The following CAST variants were observed in gnomAD, a reference collection of about 807,000 sequenced individuals.
CAST encodes the protein calpastatin.
CAST carries 76 observed loss-of-function variants against 119.6 expected under a neutral mutation model. The observed-to-expected ratio is 0.64, with a 90% CI of 0.53 to 0.77. The LOEUF (loss-of-function observed/expected upper bound fraction) is 0.77, where lower values mean the gene tolerates loss of function less well. Ranked by LOEUF, CAST falls within the 30% of genes least tolerant of loss-of-function variation. The pLI is 0.00. For missense variants in CAST, 953 were observed against 946.5 expected (o/e 1.01, Z -0.09); for synonymous variants, 319 against 331.6 (o/e 0.96, Z 0.41).
At chr5:96,358,557 CTTATT>C in the CAST span, among the ~76,000 whole-genome samples, 1 of 152,052 alleles carries the variant, frequency 6.6e-6, no homozygotes, top group African/African-American at 2.4e-5. Flanking sequence ...TTTCAAAGAA[CTTATT>C]TATTTCTGCC....
chr5:96,537,078 C>T (rs1745830064), intron 1 of CAST, among the ~76,000 whole-genome samples: 1 of 152,202 alleles, frequency 6.6e-6, no homozygotes, highest in Non-Finnish European at 1.5e-5. Context: ...ATGGAGGCTG[C>T]TTCTAAAGAA....
chr5:96,409,168 C>G, the CAST span, among the ~76,000 whole-genome samples: 179 of 152,304 alleles, frequency 1.2e-3, no homozygotes, highest in African/African-American at 4.2e-3. Flanking sequence ...GAAAAGACTT[C>G]CTGTCTGCCT....
At chr5:96,254,901 A>G in the CAST span, among the ~76,000 whole-genome samples, 2 of 152,160 alleles carry the variant, frequency 1.3e-5, no homozygotes, top group Non-Finnish European at 1.5e-5. Context: ...TGCTAAAAGT[A>G]TTACAGCCTA....
chr5:96,680,120 G>T (rs1025607554), intron 2 of CAST, among the ~76,000 whole-genome samples: 1 of 151,710 alleles, frequency 6.6e-6, no homozygotes, highest in Non-Finnish European at 1.5e-5. Context: ...GGAGGCTGAG[G>T]TGGGCGGATC....
chr5:96,549,872 C>A (rs926981997), intron 1 of CAST, among the ~76,000 whole-genome samples: 2 of 152,210 alleles, frequency 1.3e-5, no homozygotes, highest in African/African-American at 4.8e-5. Flanking sequence ...GTAGGCAGTT[C>A]TATCCTCACA....
At position 96,677,808 on chromosome 5, in the gene CAST, G is replaced by A. The variant is rs572101297; in HGVS notation, c.138+2207G>A. On this transcript the variant is annotated intron_variant, in intron 2 of 31. Coordinates refer to ENST00000675179, the MANE Select transcript of CAST (RefSeq NM_001750.7). ...AATTTGTTTGGGCAAAGAATGATTT[G>A]TGAATTGGGCAGCATTCAAAACTGG... Among the ~76,000 whole-genome samples, 6 of 152,314 alleles carry A rather than the reference G, an allele frequency of 3.9e-5. No homozygotes were observed. In the East Asian group the frequency reaches 7.7e-4, roughly 20 times the overall value.
chr5:96,609,519 G>C (rs1747321675), intron 1 of CAST, among the ~76,000 whole-genome samples: 1 of 152,156 alleles, frequency 6.6e-6, no homozygotes, highest in Admixed American at 6.6e-5. Context: ...AGTTCCAACA[G>C]GCTCCAACAA....
intron 1 of CAST, among the ~76,000 whole-genome samples, chr5:96,637,192 A>G (rs1580854873): frequency 1.3e-5 from 2 of 152,186 alleles, no homozygotes; most frequent in Non-Finnish European, 1.5e-5. Flanking sequence ...TATATTTACT[A>G]TGTGTCAGGT....
the CAST span, among the ~76,000 whole-genome samples, chr5:96,403,912 G>A: frequency 1.3e-5 from 2 of 152,148 alleles, no homozygotes; most frequent in East Asian, 1.9e-4. Context: ...AAGACCAGAA[G>A]TTTGGCTTAT....
the CAST span, among the ~76,000 whole-genome samples, chr5:96,388,821 G>A: frequency 6.6e-6 from 1 of 151,954 alleles, no homozygotes; most frequent in Non-Finnish European, 1.5e-5. Context: ...AGAAAGTAGA[G>A]ACCATCTATG....
the CAST span, among the ~76,000 whole-genome samples, chr5:96,492,888 G>C: frequency 6.6e-6 from 1 of 152,238 alleles, no homozygotes; most frequent in African/African-American, 2.4e-5. Flanking sequence ...AAGCGTTTCA[G>C]TGAAATCAAA....
At chr5:96,508,739 C>T in the CAST span, among the ~76,000 whole-genome samples, 2 of 152,142 alleles carry the variant, frequency 1.3e-5, no homozygotes, top group Non-Finnish European at 2.9e-5. Context: ...CCCCTTCCAT[C>T]CCTCCTGAGA....
the CAST span, chr5:96,423,390 T>C: frequency 6.2e-7 from 1 of 1,614,078 alleles, no homozygotes; most frequent in Non-Finnish European, 8.5e-7. Context: ...TTGCCCGTAA[T>C]GCCTTTTTGC....
At chr5:96,472,027 A>G in the CAST span, among the ~76,000 whole-genome samples, 108,142 of 151,938 alleles carry the variant, frequency 0.71, 39,122 homozygotes, top group African/African-American at 0.83. Context: ...CTGAATTTGC[A>G]ACTCTGATTT....
chr5:96,142,658 C>T, the CAST span, among the ~76,000 whole-genome samples: 2 of 152,130 alleles, frequency 1.3e-5, no homozygotes, highest in Admixed American at 6.6e-5. Flanking sequence ...CCCAAGTGAA[C>T]TTTCAACAAT....
chr5:96,077,955 A>T, the CAST span, among the ~76,000 whole-genome samples: 1 of 152,246 alleles, frequency 6.6e-6, no homozygotes, highest in African/African-American at 2.4e-5. Flanking sequence ...TGCTATAGTA[A>T]TCTTCAGACC....
the CAST span, among the ~76,000 whole-genome samples, chr5:96,312,930 G>C: frequency 6.6e-6 from 1 of 152,042 alleles, no homozygotes; most frequent in East Asian, 1.9e-4. Flanking sequence ...GACCTCTCTA[G>C]CTTCAGAGAC....
intron 2 of CAST, among the ~76,000 whole-genome samples, chr5:96,685,799 G>A (rs1213744831): frequency 6.6e-6 from 1 of 152,164 alleles, no homozygotes; most frequent in East Asian, 1.9e-4. Context: ...TCTAAGGTGG[G>A]CCCAAGGAAT....
the CAST span, among the ~76,000 whole-genome samples, chr5:96,441,116 G>T: frequency 1.3e-5 from 2 of 152,132 alleles, no homozygotes; most frequent in African/African-American, 2.4e-5. Context: ...TTACAACATT[G>T]TCTGGTACAA....
Sources: allele counts gnomAD v4.1 joint callset (sites outside exome capture counted in the v4.1 genomes callset), GRCh38; gene constraint gnomAD v4.1.1; transcripts MANE v1.5; gene names NCBI Gene and HGNC (gene_info 2026-07-23, HGNC 2026-07-21).